The following TTC3 variants were observed in gnomAD, a reference collection of about 807,000 sequenced individuals.
TTC3 encodes E3 ubiquitin-protein ligase TTC3.
TTC3 carries 180 observed loss-of-function variants against 249.6 expected under a neutral mutation model. The observed-to-expected ratio is 0.72, with a 90% confidence interval of 0.64 to 0.82. The LOEUF is 0.82. Among genes scored for constraint, TTC3 ranks in the 40% least tolerant of loss-of-function variants. TTC3 has a pLI of 0.00. For synonymous variants in TTC3, 717 were observed against 805.0 expected (o/e 0.89, Z 1.85); for missense variants, 2,061 against 2,398.4 (o/e 0.86, Z 2.94).
At chr21:37,167,784 A>G (rs1351640322) in intron 34 of TTC3, among the ~76,000 whole-genome samples, 164 bp downstream of exon 34, 1 of 152,134 alleles carries the variant, frequency 6.6e-6, no homozygotes. Context: ...TTATTGTTGA[A>G]ATTTGAGAAG....
intron 34 of TTC3, 93 bp from the exon 35 acceptor site, chr21:37,172,502 C>T: frequency 1.5e-6 from 2 of 1,362,776 alleles, no homozygotes; most frequent in Admixed American, 2.9e-5. Flanking sequence ...GCTTTTTACT[C>T]TCCTTTGTTT....
intron 7 of TTC3, chr21:37,093,444 TACTC>T (rs2073558863): frequency 6.7e-6 from 1 of 150,354 alleles, no homozygotes; most frequent in African/African-American, 2.5e-5. Flanking sequence ...GGATTTGGGA[TACTC>T]ACCCAGTATA....
At chr21:37,089,505 A>G (rs1480995649) in intron 5 of TTC3, among the ~76,000 whole-genome samples, 3 of 151,748 alleles carry the variant, frequency 2.0e-5, no homozygotes, top group Admixed American at 1.3e-4. Context: ...ATTAAGTGCA[A>G]TGAACTTTAT....
At chr21:37,096,480 A>G in intron 9 of TTC3, 101 bp from the exon 10 acceptor site, 1 of 839,676 alleles carries the variant, frequency 1.2e-6, no homozygotes, top group Non-Finnish European at 1.9e-6. Context: ...ACACATATGT[A>G]AAGTTTAAAA....
intron 17 of TTC3, among the ~76,000 whole-genome samples, 158 bp downstream of exon 17, chr21:37,132,924 A>G (rs1039886728): frequency 2.6e-5 from 4 of 152,044 alleles, no homozygotes; most frequent in Admixed American, 1.3e-4. Context: ...TGTGTTGTCC[A>G]GGTTGGTTTC....
intron 30 of TTC3, among the ~76,000 whole-genome samples, chr21:37,161,061 G>T: frequency 6.6e-6 from 1 of 150,698 alleles, no homozygotes; most frequent in Admixed American, 6.6e-5. Flanking sequence ...CTTGACACTC[G>T]TATTCTTTAT....
intron 4 of TTC3, 145 bp downstream of exon 4, chr21:37,088,491 T>C: frequency 1.9e-6 from 2 of 1,036,332 alleles, no homozygotes; most frequent in African/African-American, 3.2e-5. Flanking sequence ...AAACAAATAC[T>C]TGAGATTTGG....
rs35693053 is a variant in TTC3, at chr21:37,196,237, CTT to C, written c.5579+217_5579+218del. 1.4e-3 allele frequency among the ~76,000 whole-genome samples: 171 copies of C among 120,288 alleles called. 1 individual carries two copies. In the South Asian group the frequency reaches 0.016, roughly 12 times the overall value. 78.9% of individuals were successfully genotyped at this position (120,288 alleles called of 152,430 possible). A position where few individuals can be genotyped will look rare whatever the true frequency, so the allele number is the denominator to read the frequency against. ...AAATAAATTGGTGGGTTTTTTCTTT[CTT>C]TTTTTTTTTTTTTTTGAGACAGAGT... is the stretch of plus-strand genomic sequence containing the variant. On this transcript the variant is annotated intron_variant, in intron 42 of 45. Transcript: ENST00000355666.
At chr21:37,195,779 T>C in exon 42 of TTC3, 1 of 1,614,192 alleles carries the variant, frequency 6.2e-7, no homozygotes, top group Non-Finnish European at 8.5e-7. Context: ...ACAGGGATCC[T>C]AGTGTGTTCT....
chr21:37,120,417 G>T (rs548034536), intron 11 of TTC3, among the ~76,000 whole-genome samples: 6 of 152,170 alleles, frequency 3.9e-5, no homozygotes, highest in Non-Finnish European at 8.8e-5. Flanking sequence ...AAAAGAGAAA[G>T]AAATAAAGTT....
chr21:37,198,069 A>G (rs377035991), intron 44 of TTC3, 44 bp downstream of exon 44: 2 of 1,525,876 alleles, frequency 1.3e-6, no homozygotes, highest in East Asian at 2.3e-5. Context: ...AAAAACAAGA[A>G]GCAAACAAAA....
chr21:37,088,111 C>G, intron 3 of TTC3, 85 bp from the exon 4 acceptor site: 1 of 1,207,276 alleles, frequency 8.3e-7, no homozygotes, highest in Non-Finnish European at 1.1e-6. Context: ...CTCTCCATAT[C>G]CATTTTTGCC....
chr21:37,175,757 A>T (rs898397903), intron 35 of TTC3, among the ~76,000 whole-genome samples: 3 of 151,872 alleles, frequency 2.0e-5, no homozygotes, highest in Admixed American at 6.6e-5. Context: ...GCCGGCGGAA[A>T]AGTGGCTTTT....
At chr21:37,164,526 A>AG (rs1309977413) in intron 32 of TTC3, among the ~76,000 whole-genome samples, 1 of 266 alleles carries the variant, frequency 3.8e-3, no homozygotes, top group African/African-American at 0.033. Flanking sequence ...TTTAGTAGAG[A>AG]AGGGTTTCAC....
At chr21:37,132,954 A>G (rs1005561910) in intron 17 of TTC3, among the ~76,000 whole-genome samples, 188 bp downstream of exon 17, 17 of 152,262 alleles carry the variant, frequency 1.1e-4, no homozygotes, top group South Asian at 1.0e-3. Context: ...GCCTCAAGCA[A>G]TCCTCTTAAA....
At chr21:37,183,642 G>T (rs371243247) in intron 36 of TTC3, among the ~76,000 whole-genome samples, 6 of 152,128 alleles carry the variant, frequency 3.9e-5, no homozygotes, top group East Asian at 1.9e-4. Context: ...ATGACTGGGG[G>T]TGGCCTCAGC....
chr21:37,186,565 C>G (rs983112942), intron 37 of TTC3, among the ~76,000 whole-genome samples: 5 of 152,280 alleles, frequency 3.3e-5, no homozygotes, highest in Middle Eastern at 3.4e-3. Context: ...CTCAGCCTCT[C>G]GAGTAGCTGG....
intron 34 of TTC3, among the ~76,000 whole-genome samples, chr21:37,170,917 T>C (rs1032925940): frequency 3.3e-5 from 5 of 152,230 alleles, no homozygotes; most frequent in Non-Finnish European, 7.4e-5. Context: ...CAATAGTTTT[T>C]AAAAGATGGG....
At chr21:37,135,660 G>T in intron 18 of TTC3, 146 bp downstream of exon 18, 1 of 897,962 alleles carries the variant, frequency 1.1e-6, no homozygotes, top group Non-Finnish European at 1.6e-6. Context: ...TGGGAAGCAG[G>T]TACTGCTCCA....
Sources: allele counts gnomAD v4.1 joint callset (sites outside exome capture counted in the v4.1 genomes callset), GRCh38; gene constraint gnomAD v4.1.1; transcripts MANE v1.5; gene names NCBI Gene and HGNC (gene_info 2026-07-23, HGNC 2026-07-21).